C1orf87: variants seen among roughly 807,000 people sequenced by gnomAD.
C1orf87 encodes the protein uncharacterized protein C1orf87.
In C1orf87, 58 loss-of-function variants were observed where a neutral mutation model predicts 60.5. The ratio of observed to expected loss-of-function variants is 0.96; its 90% CI spans 0.78 to 1.19. The LOEUF (loss-of-function observed/expected upper bound fraction) is 1.19, where lower values mean the gene tolerates loss of function less well. Ranked by LOEUF, C1orf87 falls within the 50% of genes most tolerant of loss-of-function variation. The probability of loss-of-function intolerance (pLI) is 0.00; values close to 1 mark genes in which losing one functional copy is unlikely to be tolerated. For missense variants in C1orf87, 673 were observed against 638.6 expected, an observed-to-expected ratio of 1.05 and a Z score of -0.58; for synonymous variants, 236 against 227.4, an observed-to-expected ratio of 1.04 and a Z score of -0.34.
chr1:60,036,125 A>C (rs1645274513), intron 6 of C1orf87, among the ~76,000 whole-genome samples: 1 of 152,142 alleles, frequency 6.6e-6, no homozygotes, highest in Non-Finnish European at 1.5e-5. Flanking sequence ...TTGCTCCCAG[A>C]GTGATATTTG....
chr1:60,062,855 C>T (rs911204664), intron 2 of C1orf87, among the ~76,000 whole-genome samples: 6 of 152,088 alleles, frequency 3.9e-5, no homozygotes, highest in East Asian at 1.9e-4. Flanking sequence ...TTGGGATCAA[C>T]GGACACTTAT....
At chr1:60,040,755 ATTTTTT>A (rs34709077) in intron 4 of C1orf87, among the ~76,000 whole-genome samples, 55 of 132,118 alleles carry the variant, frequency 4.2e-4, no homozygotes, top group African/African-American at 1.4e-3. Context: ...ACTGTCTTTA[ATTTTTT>A]TTTTTTTTTT....
intron 1 of C1orf87, 48 bp downstream of exon 1, chr1:60,073,642 T>G (rs2100341474): frequency 6.6e-6 from 1 of 152,574 alleles, no homozygotes; most frequent in African/African-American, 2.4e-5. Context: ...GCCCAGCAGC[T>G]GCGTGTCGGC....
At chr1:60,063,727 G>A (rs1645512682) in intron 2 of C1orf87, among the ~76,000 whole-genome samples, 1 of 152,156 alleles carries the variant, frequency 6.6e-6, no homozygotes, top group Admixed American at 6.5e-5. Context: ...CACTAGGATG[G>A]AGGCGAGTAC....
chr1:60,010,039 A>AGT (rs769076134), intron 9 of C1orf87, among the ~76,000 whole-genome samples: 251 of 150,716 alleles, frequency 1.7e-3, no homozygotes, highest in Non-Finnish European at 2.8e-3. Flanking sequence ...TGGAGACATC[A>AGT]GTGGAATAAA....
In C1orf87 at chr1:60,033,649, T is replaced by C. The variant is rs370049424; in HGVS notation, c.864-8A>G. ...GAGTGCTGAGGTGGAGTGCTGATTGTAGGGGAAATGGGGAAGGCTATGAAA... is the reference window on the plus strand; with the variant it reads ...GAGTGCTGAGGTGGAGTGCTGATTGCAGGGGAAATGGGGAAGGCTATGAAA... On this transcript the variant is annotated splice_polypyrimidine_tract_variant and splice_region_variant and intron_variant, in intron 6 of 11. Coordinates refer to ENST00000371201, the MANE Select transcript of C1orf87 (RefSeq NM_152377.3). The C allele has an allele frequency of 1.8e-5, 29 of 1,608,490 alleles. No homozygotes were observed. The highest frequency in any genetic ancestry group is 2.3e-5 in the Non-Finnish European group (27 of 1,177,432).
intron 9 of C1orf87, among the ~76,000 whole-genome samples, chr1:60,001,757 G>A (rs1160036744): frequency 3.7e-4 from 57 of 152,062 alleles, no homozygotes; most frequent in Admixed American, 3.6e-3. Context: ...CAAAGGACCA[G>A]GCACAACCTT....
intron 3 of C1orf87, among the ~76,000 whole-genome samples, chr1:60,046,860 G>A (rs1030356810): frequency 6.6e-6 from 1 of 152,080 alleles, no homozygotes; most frequent in Non-Finnish European, 1.5e-5. Flanking sequence ...GCATTTTCTG[G>A]CACCCCTATG....
At chr1:59,999,909 G>C (rs1644990778) in intron 10 of C1orf87, among the ~76,000 whole-genome samples, 1 of 152,080 alleles carries the variant, frequency 6.6e-6, no homozygotes, top group Non-Finnish European at 1.5e-5. Flanking sequence ...TCAAGACTTG[G>C]CTAATTGTTT....
At chr1:60,047,211 C>T (rs1248319516) in intron 3 of C1orf87, among the ~76,000 whole-genome samples, 2 of 152,088 alleles carry the variant, frequency 1.3e-5, no homozygotes, top group African/African-American at 4.8e-5. Context: ...TGAATAAATG[C>T]TTGGTTGTTT....
chr1:60,007,522 A>G (rs1321651275), intron 9 of C1orf87, among the ~76,000 whole-genome samples: 1 of 152,076 alleles, frequency 6.6e-6, no homozygotes, highest in Non-Finnish European at 1.5e-5. Flanking sequence ...TTTTTAATTG[A>G]AGCTGGACAT....
intron 3 of C1orf87, among the ~76,000 whole-genome samples, chr1:60,051,759 C>T (rs1645416264): frequency 1.3e-5 from 2 of 152,082 alleles, no homozygotes; most frequent in African/African-American, 4.8e-5. Flanking sequence ...AAATGGTGGT[C>T]TGATTAAGGT....
intron 6 of C1orf87, among the ~76,000 whole-genome samples, chr1:60,036,414 T>C (rs1250280417): frequency 2.0e-5 from 3 of 152,190 alleles, no homozygotes; most frequent in Non-Finnish European, 4.4e-5. Flanking sequence ...TCTAATGCCA[T>C]AGCTCTTAAC....
At chr1:60,049,823 C>T (rs1354062572) in intron 3 of C1orf87, among the ~76,000 whole-genome samples, 1 of 152,100 alleles carries the variant, frequency 6.6e-6, no homozygotes, top group Non-Finnish European at 1.5e-5. Flanking sequence ...TAAAACTTCT[C>T]TATAGCTATC....
intron 8 of C1orf87, among the ~76,000 whole-genome samples, chr1:60,024,226 C>T (rs148661445): frequency 1.3e-5 from 2 of 151,926 alleles, no homozygotes. Context: ...ATTTTCTGTT[C>T]CTTTGAAATT....
chr1:60,064,812 T>TATATATAAATATATATTAA (rs1269013400), intron 2 of C1orf87, among the ~76,000 whole-genome samples: 3 of 86,106 alleles, frequency 3.5e-5, no homozygotes, highest in African/African-American at 1.4e-4. Context: ...TTATATTTAA[T>TATATATAAATATATATTAA]ATATATAAAT....
chr1:59,997,528 G>A (rs1644971395), intron 11 of C1orf87, 81 bp downstream of exon 11: 1 of 1,287,716 alleles, frequency 7.8e-7, no homozygotes. Context: ...ATTTGTTCAA[G>A]AGGCAAAAGA....
rs768194295 is a variant in C1orf87, at chr1:60,072,493, A to C, written c.107+44T>G. 2.8e-6 allele frequency: 4 copies of C among 1,420,826 alleles called. No individual in the cohort carries two copies. The East Asian group carries it at 6.9e-5, about 24-fold the overall frequency. The allele number at this position is 1,420,826 out of a possible 1,614,324, so 88.0% of individuals were successfully genotyped here. On this transcript the variant is annotated intron_variant, in intron 2 of 11. Coordinates refer to ENST00000371201, the MANE Select transcript of C1orf87 (RefSeq NM_152377.3). ...GGTGAAAACAAAACAATAAAACTTC[A>C]TTATCATCCAAGCAACATAGATATT...
At chr1:60,016,512 C>T (rs998528596) in intron 8 of C1orf87, among the ~76,000 whole-genome samples, 1 of 152,158 alleles carries the variant, frequency 6.6e-6, no homozygotes, top group Non-Finnish European at 1.5e-5. Flanking sequence ...CAGCCCTTCC[C>T]TGATATAGAG....
Sources: gnomAD v4.1 joint callset for allele counts (sites outside exome capture counted in the v4.1 genomes callset) on GRCh38, gnomAD v4.1.1 for gene constraint, MANE v1.5 for transcripts, NCBI Gene and HGNC (gene_info 2026-07-23, HGNC 2026-07-21) for gene names.